The following ZNF385D variants were observed in gnomAD, a reference collection of about 807,000 sequenced individuals.
The protein encoded by ZNF385D is zinc finger protein 659.
ZNF385D carries 15 observed loss-of-function variants against 35.8 expected under a neutral mutation model. The observed-to-expected ratio is 0.42, with a 90% confidence interval of 0.28 to 0.64. ZNF385D has a LOEUF of 0.64. Among genes scored for constraint, ZNF385D ranks in the 30% least tolerant of loss-of-function variants. The probability of loss-of-function intolerance (pLI) is 0.23; values close to 1 mark genes in which losing one functional copy is unlikely to be tolerated. For missense variants in ZNF385D, 474 were observed against 494.6 expected (o/e 0.96, Z 0.39); for synonymous variants, 212 against 186.8 (o/e 1.13, Z -1.10).
intron 1 of ZNF385D, among the ~76,000 whole-genome samples, chr3:21,682,107 T>A (rs1462483549): frequency 1.3e-5 from 2 of 152,184 alleles, no homozygotes; most frequent in African/African-American, 2.4e-5. Context: ...CCACATTTGA[T>A]GGATTACAAG....
chr3:22,195,618 A>T (rs1696361153), intron 2 of ZNF385D, among the ~76,000 whole-genome samples: 1 of 152,002 alleles, frequency 6.6e-6, no homozygotes, highest in African/African-American at 2.4e-5. Flanking sequence ...TTATATTCTG[A>T]AATTTTCAAA....
At chr3:21,453,604 A>C (rs982020305) in intron 4 of ZNF385D, among the ~76,000 whole-genome samples, 2 of 152,052 alleles carry the variant, frequency 1.3e-5, no homozygotes, top group Non-Finnish European at 2.9e-5. Context: ...TCCAATACAC[A>C]CATGAAAAGA....
intron 2 of ZNF385D, among the ~76,000 whole-genome samples, chr3:22,260,390 T>C (rs1700564812): frequency 6.6e-6 from 1 of 151,824 alleles, no homozygotes; most frequent in South Asian, 2.1e-4. Flanking sequence ...GACAAATACC[T>C]AATGCAAGCA....
chr3:22,369,407 T>C (rs575768316), intron 2 of ZNF385D, among the ~76,000 whole-genome samples: 124 of 152,276 alleles, frequency 8.1e-4, no homozygotes, highest in African/African-American at 2.9e-3. Context: ...CATAATTAGT[T>C]TCATTATTTT....
chr3:21,690,882 G>A (rs1291573683), intron 1 of ZNF385D, among the ~76,000 whole-genome samples: 2 of 152,090 alleles, frequency 1.3e-5, no homozygotes, highest in Non-Finnish European at 2.9e-5. Flanking sequence ...ATATCCACTT[G>A]CCATCACCCT....
At chr3:21,513,167 A>T (rs1231697478) in intron 3 of ZNF385D, among the ~76,000 whole-genome samples, 1 of 152,148 alleles carries the variant, frequency 6.6e-6, no homozygotes, top group Non-Finnish European at 1.5e-5. Flanking sequence ...AAATTAAGAA[A>T]CTTACTACAA....
At chr3:21,892,211 G>A (rs1211913773) in intron 3 of ZNF385D, among the ~76,000 whole-genome samples, 1 of 152,138 alleles carries the variant, frequency 6.6e-6, no homozygotes, top group Non-Finnish European at 1.5e-5. Flanking sequence ...GGAAAAATTT[G>A]AATATATAGA....
chr3:21,663,915 A>ATATTTATTTATT (rs1553633457), intron 2 of ZNF385D, among the ~76,000 whole-genome samples: 9 of 105,846 alleles, frequency 8.5e-5, no homozygotes, highest in Non-Finnish European at 1.2e-4. Flanking sequence ...ATATATATAT[A>ATATTTATTTATT]TATTTATTTA....
chr3:21,766,448 C>G (rs2070833776), intron 3 of ZNF385D, among the ~76,000 whole-genome samples: 1 of 152,052 alleles, frequency 6.6e-6, no homozygotes, highest in African/African-American at 2.4e-5. Flanking sequence ...AAAGCACGGT[C>G]AGAACACATT....
intron 3 of ZNF385D, among the ~76,000 whole-genome samples, chr3:21,984,996 T>C (rs914394368): frequency 2.0e-5 from 3 of 151,620 alleles, no homozygotes; most frequent in African/African-American, 7.3e-5. Context: ...AGAATGCCTG[T>C]GATTTTTGTA....
intron 3 of ZNF385D, among the ~76,000 whole-genome samples, chr3:21,520,703 G>T (rs1438823172): frequency 2.0e-5 from 3 of 152,188 alleles, no homozygotes; most frequent in Admixed American, 1.3e-4. Context: ...ACATTTAAAT[G>T]AATAACTAAC....
At chr3:21,557,811 G>A (rs1488246109) in intron 3 of ZNF385D, among the ~76,000 whole-genome samples, 3 of 152,110 alleles carry the variant, frequency 2.0e-5, no homozygotes, top group Non-Finnish European at 4.4e-5. Context: ...TTGATTGGTA[G>A]GCTATTAATT....
intron 3 of ZNF385D, among the ~76,000 whole-genome samples, chr3:22,060,095 C>T (rs1248495337): frequency 6.6e-6 from 1 of 152,188 alleles, no homozygotes; most frequent in African/African-American, 2.4e-5. Context: ...GCCCAGTTCT[C>T]AGAACTTTGA....
chr3:21,979,310 T>A (rs1040820612), intron 3 of ZNF385D, among the ~76,000 whole-genome samples: 6 of 152,190 alleles, frequency 3.9e-5, no homozygotes, highest in Non-Finnish European at 8.8e-5. Flanking sequence ...TAACCCCACA[T>A]GTCACTATTA....
At chr3:22,296,110 C>A (rs1455677302) in intron 2 of ZNF385D, among the ~76,000 whole-genome samples, 1 of 152,202 alleles carries the variant, frequency 6.6e-6, no homozygotes, top group South Asian at 2.1e-4. Context: ...CAATCCAATG[C>A]CATAGGTTTT....
At chr3:22,164,685 C>T (rs1480485100) in intron 3 of ZNF385D, among the ~76,000 whole-genome samples, 13 of 149,698 alleles carry the variant, frequency 8.7e-5, no homozygotes, top group African/African-American at 3.2e-4. Context: ...TAAATTGTTT[C>T]CCCTCTGTTG....
intron 2 of ZNF385D, among the ~76,000 whole-genome samples, chr3:22,231,755 A>G (rs954321299): frequency 6.6e-6 from 1 of 152,044 alleles, no homozygotes; most frequent in Non-Finnish European, 1.5e-5. Context: ...CCCCACACAG[A>G]TCTCATGTTC....
At chr3:22,274,237 A>G (rs1479920746) in intron 2 of ZNF385D, among the ~76,000 whole-genome samples, 1 of 152,002 alleles carries the variant, frequency 6.6e-6, no homozygotes, top group African/African-American at 2.4e-5. Context: ...GTATTATAAT[A>G]TACTACTTTT....
At chr3:22,237,555 A>G (rs1466373126) in intron 2 of ZNF385D, among the ~76,000 whole-genome samples, 1 of 152,186 alleles carries the variant, frequency 6.6e-6, no homozygotes, top group Non-Finnish European at 1.5e-5. Context: ...TTTTGGTGTT[A>G]TATCTAAGAA....
Sources: gnomAD v4.1 joint callset for allele counts (sites outside exome capture counted in the v4.1 genomes callset) on GRCh38, gnomAD v4.1.1 for gene constraint, MANE v1.5 for transcripts, NCBI Gene and HGNC (gene_info 2026-07-23, HGNC 2026-07-21) for gene names.